ABHD12: variants seen among roughly 807,000 people sequenced by gnomAD.
The protein encoded by ABHD12 is lysophosphatidylserine lipase ABHD12.
Under a neutral mutation model 58.3 loss-of-function variants are expected in ABHD12, and 43 were observed. The ratio of observed to expected loss-of-function variants is 0.74; its 90% CI spans 0.58 to 0.95. The LOEUF is 0.95. Among genes scored for constraint, ABHD12 ranks in the 40% least tolerant of loss-of-function variants. The probability of loss-of-function intolerance (pLI) is 0.00; values close to 1 mark genes in which losing one functional copy is unlikely to be tolerated. For missense variants in ABHD12, 539 were observed against 537.2 expected (o/e 1.00, Z -0.03); for synonymous variants, 219 against 211.2 (o/e 1.04, Z -0.32).
At chr20:25,354,423 T>G (rs2089641884) in intron 1 of ABHD12, among the ~76,000 whole-genome samples, 1 of 152,196 alleles carries the variant, frequency 6.6e-6, no homozygotes, top group Admixed American at 6.5e-5. Context: ...ACAGAATACG[T>G]TCTACATTTT....
chr20:25,354,614 T>C (rs904638294), intron 1 of ABHD12, among the ~76,000 whole-genome samples: 11 of 152,302 alleles, frequency 7.2e-5, no homozygotes, highest in Non-Finnish European at 1.6e-4. Flanking sequence ...ATGGCCATGA[T>C]GAGGACCCTT....
intron 1 of ABHD12, among the ~76,000 whole-genome samples, chr20:25,382,090 C>T (rs1279902304): frequency 6.6e-6 from 1 of 152,190 alleles, no homozygotes; most frequent in Non-Finnish European, 1.5e-5. Context: ...GGAAGACACT[C>T]TTATCCCTAC....
chr20:25,389,108 T>G (rs2090135433), intron 1 of ABHD12, among the ~76,000 whole-genome samples: 1 of 152,208 alleles, frequency 6.6e-6, no homozygotes, highest in Non-Finnish European at 1.5e-5. Context: ...GCCCGGCAAT[T>G]TGATTTTTTC....
rs180903870 is a variant in ABHD12, at chr20:25,312,179, C to T, written c.620-2604G>A. Among the ~76,000 whole-genome samples the T allele has an allele frequency of 3.6e-3, 542 of 152,156 alleles. 2 individuals carry two copies. Among genetic ancestry groups the T allele is most frequent in the African/African-American group, 0.013 (521 of 41,528 alleles). On this transcript the variant is annotated intron_variant, in intron 6 of 12. Coordinates refer to ENST00000339157, the MANE Select transcript of ABHD12 (RefSeq NM_001042472.3). ...AAAAAAATAAAATAGCTCTCCCTCT[C>T]CCCACGGTCTCCCTCTCCCTCTCTT...
intron 1 of ABHD12, among the ~76,000 whole-genome samples, chr20:25,379,153 C>T (rs78827294): frequency 0.027 from 4,168 of 152,260 alleles, 69 homozygotes; most frequent in South Asian, 0.07. Flanking sequence ...GCAGGGACCC[C>T]GTGCAGGCTT....
Position 25,390,476 on chromosome 20 carries a change from G to GCCCCCCCCCCCCCCCCCCCCCCCC in ABHD12, c.191+36_191+37insGGGGGGGGGGGGGGGGGGGGGGGG, listed in dbSNP as rs773039836. On this transcript the variant is annotated intron_variant, in intron 1 of 12. Coordinates refer to ENST00000339157, the MANE Select transcript of ABHD12 (RefSeq NM_001042472.3). ...ACGCACCTGCGCAAAGTGAGGGACC[G>GCCCCCCCCCCCCCCCCCCCCCCCC]GCCCCCCCCCCCCCCCCGCTCCGCG... 2.8e-4 allele frequency: 289 copies of GCCCCCCCCCCCCCCCCCCCCCCCC among 1,034,864 alleles called. 92 individuals carry two copies. In the East Asian group the frequency reaches 0.013, roughly 46 times the overall value. 64.1% of individuals were successfully genotyped at this position (1,034,864 alleles called of 1,614,324 possible).
chr20:25,310,877 A>C (rs1323463654), intron 6 of ABHD12, among the ~76,000 whole-genome samples: 1 of 152,242 alleles, frequency 6.6e-6, no homozygotes, highest in Non-Finnish European at 1.5e-5. Context: ...AGACTCCACG[A>C]GAACTGAAAC....
rs2088933209 is a variant in ABHD12, at chr20:25,314,991, A to G, written c.574-21T>C. On this transcript the variant is annotated intron_variant, in intron 5 of 12. Coordinates refer to ENST00000339157, the MANE Select transcript of ABHD12 (RefSeq NM_001042472.3). ...AGCACCTGTAAAGTGAAAAATAAAC[A>G]TCTTTGGCAACAAATCCAAGCATCT... The G allele has an allele frequency of 8.7e-6, 14 of 1,613,956 alleles. No homozygotes were observed. The East Asian group carries it at 3.1e-4, about 36-fold the overall frequency.
intron 10 of ABHD12, 124 bp downstream of exon 10, chr20:25,306,709 C>G (rs1216511282): frequency 1.4e-6 from 1 of 715,468 alleles, no homozygotes; most frequent in African/African-American, 1.8e-5. Flanking sequence ...GACCTGTTTG[C>G]TAGAGAATGA....
At chr20:25,367,591 C>T (rs1466130453) in intron 1 of ABHD12, among the ~76,000 whole-genome samples, 1 of 152,230 alleles carries the variant, frequency 6.6e-6, no homozygotes, top group Non-Finnish European at 1.5e-5. Context: ...TCCCCCAGCC[C>T]ATGGCAACCA....
intron 1 of ABHD12, among the ~76,000 whole-genome samples, chr20:25,382,123 C>T (rs1352904656): frequency 6.6e-6 from 1 of 152,180 alleles, no homozygotes; most frequent in African/African-American, 2.4e-5. Context: ...GAAACAAACT[C>T]AGAGTGTTAC....
chr20:25,373,324 A>T (rs1260601684), intron 1 of ABHD12, among the ~76,000 whole-genome samples: 1 of 152,188 alleles, frequency 6.6e-6, no homozygotes, highest in African/African-American at 2.4e-5. Context: ...GGGCGGGTGG[A>T]TCACCTGAGG....
intron 2 of ABHD12, 107 bp from the exon 3 acceptor site, chr20:25,323,537 GCACA>G: frequency 2.7e-6 from 2 of 752,444 alleles, no homozygotes; most frequent in Admixed American, 1.8e-5. Flanking sequence ...ATCCACACGT[GCACA>G]CACACACATG....
At position 25,325,203 on chromosome 20, in the gene ABHD12, CAAAAAAAAAAAAAAAAA is replaced by C. The variant is rs376306392; in HGVS notation, c.317-1790_317-1774del. On this transcript the variant is annotated intron_variant, in intron 2 of 12. Transcript: ENST00000339157. ...CCTGAGTGACAGAGAGACCCTGTTT[CAAAAAAAAAAAAAAAAA>C]AAAAAAAAAAGAACTGGCTTTGAAC... Among the ~76,000 whole-genome samples, 10 of 76,462 alleles carry C rather than the reference CAAAAAAAAAAAAAAAAA, an allele frequency of 1.3e-4. No homozygotes were observed. The East Asian group carries it at 2.2e-3, about 16-fold the overall frequency. The allele number at this position is 76,462 out of a possible 152,430, so 50.2% of individuals were successfully genotyped here. A position where few individuals can be genotyped will look rare whatever the true frequency, so the allele number is the denominator to read the frequency against.
At chr20:25,305,963 C>T (rs981759885) in intron 10 of ABHD12, among the ~76,000 whole-genome samples, 4 of 151,980 alleles carry the variant, frequency 2.6e-5, no homozygotes, top group East Asian at 1.9e-4. Flanking sequence ...ATCAGGAGTT[C>T]GAGACCAGCC....
downstream of ABHD12, chr20:25,296,402 G>A (rs776326730): frequency 2.7e-5 from 44 of 1,613,914 alleles, 1 homozygote; most frequent in Admixed American, 7.3e-4. Context: ...AGGTCATCAG[G>A]AACATCGCCT....
At chr20:25,303,345 A>T (rs1014571707) in intron 11 of ABHD12, 20 of 1,471,412 alleles carry the variant, frequency 1.4e-5, no homozygotes, top group Admixed American at 2.1e-5. Context: ...CAACCTTTAC[A>T]CCAGACCTCC....
At position 25,300,457 on chromosome 20, in the gene ABHD12, C is replaced by T; in HGVS notation, c.*388G>A. 8.3e-7 allele frequency: 1 copy of T among 1,209,818 alleles called. No individual in the cohort carries two copies. 74.9% of individuals were successfully genotyped at this position (1,209,818 alleles called of 1,614,324 possible). On this transcript the variant is annotated 3_prime_UTR_variant, in exon 13 of 13. Transcript: ENST00000339157. ...GCAGAAAGAACCTGGACCCCACGTTCTCTGTGGGTGGTGCCAAAAAGCTCA... is the reference window on the plus strand; with the variant it reads ...GCAGAAAGAACCTGGACCCCACGTTTTCTGTGGGTGGTGCCAAAAAGCTCA...
At position 25,340,045 on chromosome 20, in the gene ABHD12, G is replaced by A. The variant is rs73345082; in HGVS notation, c.192-694C>T. Among the ~76,000 whole-genome samples the A allele has an allele frequency of 6.6e-3, 999 of 152,198 alleles. 16 individuals are homozygous for A. Among genetic ancestry groups the A allele is most frequent in the African/African-American group, 0.023 (956 of 41,528 alleles). The stretch of plus-strand genomic sequence containing the variant: ...CCCCTTTCAAAACTATCTCTAACCC[G>A]GTGATTCTCAAATTCCTTGGTCTCA... On this transcript the variant is annotated intron_variant, in intron 1 of 12. Coordinates refer to ENST00000339157, the MANE Select transcript of ABHD12 (RefSeq NM_001042472.3).
Sources: allele counts gnomAD v4.1 joint callset (sites outside exome capture counted in the v4.1 genomes callset), GRCh38; gene constraint gnomAD v4.1.1; transcripts MANE v1.5; gene names NCBI Gene and HGNC (gene_info 2026-07-23, HGNC 2026-07-21).